The following RCAN3 variants were observed in gnomAD, a reference collection of about 807,000 sequenced individuals.
RCAN3 encodes calcipressin-3.
A neutral mutation model predicts 21.9 loss-of-function variants in RCAN3; 19 were observed. The ratio of observed to expected loss-of-function variants is 0.87; its 90% CI spans 0.61 to 1.27. The LOEUF is 1.27. RCAN3 is among the 50% of genes most tolerant of loss of function. The pLI, the probability that RCAN3 is intolerant of heterozygous loss-of-function variation, is 0.00. For missense variants in RCAN3, 240 were observed against 300.1 expected, an observed-to-expected ratio of 0.80 and a Z score of 1.48; for synonymous variants, 114 against 112.3, an observed-to-expected ratio of 1.01 and a Z score of -0.09.
At chr1:24,533,331 G>T (rs1649954171) in intron 4 of RCAN3, 77 bp downstream of exon 4, 1 of 1,191,070 alleles carries the variant, frequency 8.4e-7, no homozygotes, top group Non-Finnish European at 1.1e-6. Flanking sequence ...AGTGTGCATT[G>T]TGGCAGTATG....
chr1:24,524,852 C>A (rs1180578727), intron 2 of RCAN3, among the ~76,000 whole-genome samples: 2 of 120,974 alleles, frequency 1.7e-5, no homozygotes, highest in East Asian at 2.8e-4. Context: ...TTTTTTGAGA[C>A]AGGGTCTCGC....
At chr1:24,532,198 T>C (rs376157009) in intron 3 of RCAN3, among the ~76,000 whole-genome samples, 33 of 152,082 alleles carry the variant, frequency 2.2e-4, no homozygotes, top group African/African-American at 7.2e-4. Context: ...CATTTCTCTC[T>C]TCATCCATTT....
At chr1:24,524,593 C>A (rs1314770829) in intron 2 of RCAN3, among the ~76,000 whole-genome samples, 11 of 152,082 alleles carry the variant, frequency 7.2e-5, no homozygotes, top group African/African-American at 2.4e-5. Context: ...TGATGAGAAC[C>A]AAAAGCACTT....
chr1:24,514,711 G>A (rs899229602), intron 2 of RCAN3, 144 bp downstream of exon 2: 3 of 761,108 alleles, frequency 3.9e-6, no homozygotes, highest in African/African-American at 1.8e-5. Context: ...GCTCACACCT[G>A]TAATCCCAGC....
intron 2 of RCAN3, among the ~76,000 whole-genome samples, chr1:24,523,257 G>T (rs961455397): frequency 6.6e-6 from 1 of 152,032 alleles, no homozygotes; most frequent in Non-Finnish European, 1.5e-5. Context: ...TGGAGACGGG[G>T]CTTCACCATG....
chr1:24,524,824 T>G (rs1159037690), intron 2 of RCAN3, among the ~76,000 whole-genome samples: 1 of 109,800 alleles, frequency 9.1e-6, no homozygotes, highest in Admixed American at 8.2e-5. Context: ...TTTTGTTTTC[T>G]TTTGTTTTTT....
intron 2 of RCAN3, among the ~76,000 whole-genome samples, chr1:24,530,270 G>C (rs1348306232): frequency 6.7e-6 from 1 of 148,356 alleles, no homozygotes; most frequent in Non-Finnish European, 1.5e-5. Flanking sequence ...CAGGAGGATT[G>C]CCTGAACCCT....
chr1:24,535,301 G>A lies in RCAN3; in HGVS notation c.*24G>A, dbSNP rs1650149828. 4.6e-6 allele frequency: 7 copies of A among 1,511,862 alleles called. No homozygotes were observed. Among genetic ancestry groups the A allele is most frequent in the South Asian group, 1.4e-5 (1 of 71,762 alleles). The allele number at this position is 1,511,862 out of a possible 1,614,324, so 93.7% of individuals were successfully genotyped here. ...GAGGCCCTTGGTTGTGGTGCGAGGC[G>A]GCTGCCCTGGTGGGCTCTGGCCATG... On this transcript the variant is annotated 3_prime_UTR_variant, in exon 5 of 5. Coordinates refer to ENST00000374395, the MANE Select transcript of RCAN3 (RefSeq NM_013441.4).
rs574686311 is a variant in RCAN3, at chr1:24,518,774, A to G, written c.195+4207A>G. ...CATCCAGCTAATTTATTATTTATTT[A>G]TTTATTTATTTATTTTGGAGATGGA... On this transcript the variant is annotated intron_variant, in intron 2 of 4. Coordinates refer to ENST00000374395, the MANE Select transcript of RCAN3 (RefSeq NM_013441.4). 2.0e-5 allele frequency among the ~76,000 whole-genome samples: 3 copies of G among 150,474 alleles called. No individual in the cohort carries two copies. In the South Asian group the frequency reaches 6.4e-4, roughly 32 times the overall value.
chr1:24,518,697 A>G (rs182693103), intron 2 of RCAN3, among the ~76,000 whole-genome samples: 272 of 152,128 alleles, frequency 1.8e-3, no homozygotes, highest in Non-Finnish European at 3.3e-3. Context: ...GGCTCAAGCA[A>G]TCCTCCTACC....
Position 24,536,044 on chromosome 1 carries a change from T to G in RCAN3, c.*767T>G, listed in dbSNP as rs1195011143. On this transcript the variant is annotated 3_prime_UTR_variant, in exon 5 of 5. Transcript: ENST00000374395. ...CGTATCACCAGTAAGCTTGAATGAT[T>G]AGGATCGCAGGTGGCTACTGCATTC... 1 of 152,208 alleles carries G rather than the reference T, an allele frequency of 6.6e-6. No homozygotes were observed. Among genetic ancestry groups the G allele is most frequent in the Non-Finnish European group, 1.5e-5 (1 of 68,034 alleles). The allele number at this position is 152,208 out of a possible 1,614,324, so 9.4% of individuals were successfully genotyped here.
rs1373453024 is a variant in RCAN3 at position 24,536,070 on chromosome 1, T to C, written c.*793T>C. Reference sequence around the variant, plus strand: ...AGGATCGCAGGTGGCTACTGCATTCTGCCGTTCGTGACCGTGTTCTAGCCT... The same window carrying C: ...AGGATCGCAGGTGGCTACTGCATTCCGCCGTTCGTGACCGTGTTCTAGCCT... On this transcript the variant is annotated 3_prime_UTR_variant, in exon 5 of 5. Coordinates refer to ENST00000374395, the MANE Select transcript of RCAN3 (RefSeq NM_013441.4). 2.0e-5 allele frequency: 3 copies of C among 152,238 alleles called. No homozygotes were observed. Among genetic ancestry groups the C allele is most frequent in the Non-Finnish European group, 4.4e-5 (3 of 68,044 alleles). The allele number at this position is 152,238 out of a possible 1,614,324, so 9.4% of individuals were successfully genotyped here.
At chr1:24,520,514 G>C (rs534304687) in intron 2 of RCAN3, among the ~76,000 whole-genome samples, 77 of 152,192 alleles carry the variant, frequency 5.1e-4, no homozygotes, top group African/African-American at 1.8e-3. Context: ...AAAAAATGAT[G>C]AGTTCATGTC....
intron 1 of RCAN3, 91 bp downstream of exon 1, chr1:24,503,241 G>GC (rs1165062318): frequency 8.1e-6 from 1 of 123,740 alleles, no homozygotes; most frequent in Non-Finnish European, 1.7e-5. Flanking sequence ...AAAAAAAGCC[G>GC]CCCCGAGAAG....
chr1:24,539,177 T>A lies in RCAN3; in HGVS notation c.*3900T>A, dbSNP rs982580222. 3.3e-5 allele frequency: 5 copies of A among 152,098 alleles called. No individual in the cohort carries two copies. The highest frequency in any genetic ancestry group is 7.4e-5 in the Non-Finnish European group (5 of 68,006). The allele number at this position is 152,098 out of a possible 1,614,324, so 9.4% of individuals were successfully genotyped here. ...TCCCAACTCCTGGGCTAGGGCTTTT[T>A]CTACCTTTTTTTGCATTGGCCTCTT... is the stretch of plus-strand genomic sequence containing the variant. On this transcript the variant is annotated 3_prime_UTR_variant, in exon 5 of 5. Coordinates refer to ENST00000374395, the MANE Select transcript of RCAN3 (RefSeq NM_013441.4).
In RCAN3 at chr1:24,525,948, C is replaced by T. The variant is rs9424384; in HGVS notation, c.196-5270C>T. On this transcript the variant is annotated intron_variant, in intron 2 of 4. Transcript: ENST00000374395. This position sits in a 1 kb window ranked among gnomAD's most constrained non-coding sequence, Gnocchi z 4.1. ...CCTCCAAGTTAATTCTTCATGCTTC[C>T]AAAGCACCTCACAGCTAGAATTCAC... 0.069 allele frequency among the ~76,000 whole-genome samples: 10,530 copies of T among 152,152 alleles called. 1,172 individuals carry two copies. Among genetic ancestry groups the T allele is most frequent in the African/African-American group, 0.23 (9,628 of 41,476 alleles).
intron 2 of RCAN3, among the ~76,000 whole-genome samples, chr1:24,515,430 GTGTGTGTGT>G (rs1648233793): frequency 8.2e-5 from 3 of 36,482 alleles, no homozygotes; most frequent in South Asian, 8.1e-4. Flanking sequence ...AAAGAGAGGT[GTGTGTGTGT>G]GTGTGTGTGT....
In RCAN3 at chr1:24,535,484, G is replaced by T. The variant is rs1237985574; in HGVS notation, c.*207G>T. On this transcript the variant is annotated 3_prime_UTR_variant, in exon 5 of 5. Transcript: ENST00000374395. ...CCAGATTTTAAGTGATATTCCAAAA[G>T]GGACTTTACATTAAAGGAGAAGCCC... is the stretch of plus-strand genomic sequence containing the variant. The T allele has an allele frequency of 2.3e-6, 1 of 440,298 alleles. No individual in the cohort carries two copies. The allele number at this position is 440,298 out of a possible 1,614,324, so 27.3% of individuals were successfully genotyped here. A position where few individuals can be genotyped will look rare whatever the true frequency, so the allele number is the denominator to read the frequency against.
intron 2 of RCAN3, among the ~76,000 whole-genome samples, chr1:24,526,918 T>A (rs1016379148): frequency 1.3e-5 from 2 of 152,226 alleles, no homozygotes; most frequent in African/African-American, 4.8e-5. Context: ...TTGAAATGTA[T>A]CCAGAAGCAA....
Sources: allele counts gnomAD v4.1 joint callset (sites outside exome capture counted in the v4.1 genomes callset), GRCh38; gene constraint gnomAD v4.1.1; non-coding constraint Gnocchi (gnomAD v3.1); transcripts MANE v1.5; gene names NCBI Gene and HGNC (gene_info 2026-07-23, HGNC 2026-07-21).